CELF4: variants seen among roughly 807,000 people sequenced by gnomAD.
The protein encoded by CELF4 is CUGBP Elav-like family member 4, also known as CUG-BP- and ETR-3-like factor 4.
A neutral mutation model predicts 59.9 loss-of-function variants in CELF4; 18 were observed. The observed-to-expected ratio is 0.30, with a 90% CI of 0.21 to 0.45. CELF4 has a LOEUF of 0.45. Ranked by LOEUF, CELF4 falls within the 20% of genes least tolerant of loss-of-function variation. The pLI is 1.00. For missense variants in CELF4, 456 were observed against 689.0 expected (o/e 0.66, Z 3.79); for synonymous variants, 261 against 267.1 (o/e 0.98, Z 0.22).
intron 1 of CELF4, among the ~76,000 whole-genome samples, chr18:37,486,762 C>T (rs867841606): frequency 1.4e-4 from 21 of 152,336 alleles, no homozygotes; most frequent in African/African-American, 4.8e-4. Flanking sequence ...CTCTCTCTCA[C>T]GTGATCTTAT....
At position 37,474,462 on chromosome 18, in the gene CELF4, C is replaced by T. The variant is rs1007312004; in HGVS notation, c.369+11063G>A. On this transcript the variant is annotated intron_variant, in intron 2 of 12. Transcript: ENST00000420428. The stretch of plus-strand genomic sequence containing the variant: ...GTGTGTGGCCTTGGGGTGACGGGGA[C>T]GGTTCCTGCCCTCATGCAGCTCTGG... Among the ~76,000 whole-genome samples, 8 of 152,312 alleles carry T rather than the reference C, an allele frequency of 5.3e-5. No individual in the cohort carries two copies. In the East Asian group the frequency reaches 1.2e-3, roughly 22 times the overall value.
Position 37,259,639 on chromosome 18 carries a change from C to T in CELF4, c.1250-375G>A, listed in dbSNP as rs142034086. Among the ~76,000 whole-genome samples, 854 of 152,274 alleles carry T rather than the reference C, an allele frequency of 5.6e-3. 4 individuals carry two copies. The highest frequency in any genetic ancestry group is 8.8e-3 in the Admixed American group (134 of 15,308). The stretch of plus-strand genomic sequence containing the variant: ...AAGGCCCAGGAGATCCGGGAGGCCT[C>T]CCTCCTGCCCTGCCCCTGCTCTGGG... On this transcript the variant is annotated intron_variant, in intron 10 of 12. Coordinates refer to ENST00000420428, the MANE Select transcript of CELF4 (RefSeq NM_020180.4).
At chr18:37,504,521 T>C (rs568818398) in intron 1 of CELF4, among the ~76,000 whole-genome samples, 1 of 151,630 alleles carries the variant, frequency 6.6e-6, no homozygotes, top group South Asian at 2.1e-4. Context: ...TAGCATGTGA[T>C]TTGGGGCAGG....
intron 2 of CELF4, among the ~76,000 whole-genome samples, chr18:37,366,313 A>T (rs1234770391): frequency 6.6e-6 from 1 of 152,206 alleles, no homozygotes; most frequent in Non-Finnish European, 1.5e-5. Context: ...TATGTGTAAC[A>T]TCCACAAAGA....
At chr18:37,545,949 A>T (rs1387897442) in intron 1 of CELF4, among the ~76,000 whole-genome samples, 1 of 152,110 alleles carries the variant, frequency 6.6e-6, no homozygotes, top group East Asian at 1.9e-4. Flanking sequence ...ACACTGTCTG[A>T]CTTAGCGTCC....
intron 8 of CELF4, among the ~76,000 whole-genome samples, chr18:37,269,125 G>T: frequency 6.6e-6 from 1 of 152,118 alleles, no homozygotes; most frequent in Non-Finnish European, 1.5e-5. Context: ...CCCAGCCCAT[G>T]AGCCTTAGAC....
At chr18:37,493,327 G>C (rs1335497938) in intron 1 of CELF4, among the ~76,000 whole-genome samples, 2 of 152,172 alleles carry the variant, frequency 1.3e-5, no homozygotes, top group African/African-American at 4.8e-5. Flanking sequence ...ATAGCCCTTG[G>C]CAATGGTCTG....
chr18:37,362,891 C>A (rs2098727965), intron 2 of CELF4, among the ~76,000 whole-genome samples: 1 of 152,172 alleles, frequency 6.6e-6, no homozygotes, highest in Non-Finnish European at 1.5e-5. Flanking sequence ...TTGGTTCGGG[C>A]AGCTTCTAGG....
intron 2 of CELF4, among the ~76,000 whole-genome samples, chr18:37,453,966 C>T (rs1403120087): frequency 6.6e-6 from 1 of 152,138 alleles, no homozygotes; most frequent in Non-Finnish European, 1.5e-5. Flanking sequence ...TGATCTAACC[C>T]AAGTCTTGTT....
intron 1 of CELF4, among the ~76,000 whole-genome samples, chr18:37,552,134 A>G (rs1217767802): frequency 6.6e-6 from 1 of 152,188 alleles, no homozygotes; most frequent in African/African-American, 2.4e-5. Flanking sequence ...GGGTTCCCAC[A>G]TCCCCCCTCA....
chr18:37,485,468 C>T, intron 2 of CELF4, 57 bp downstream of exon 2: 1 of 1,147,348 alleles, frequency 8.7e-7, no homozygotes, highest in East Asian at 3.5e-5. Flanking sequence ...GCCCGGCCTC[C>T]CGAAGTCGCC....
chr18:37,562,072 G>C (rs554052089), intron 1 of CELF4, among the ~76,000 whole-genome samples: 263 of 152,154 alleles, frequency 1.7e-3, no homozygotes, highest in Middle Eastern at 0.017. Flanking sequence ...CTGGCCTCCA[G>C]GGGGTAAATT....
chr18:37,269,298 G>A (rs1205157142), intron 8 of CELF4, among the ~76,000 whole-genome samples: 1 of 152,124 alleles, frequency 6.6e-6, no homozygotes, highest in Non-Finnish European at 1.5e-5. Flanking sequence ...ATATTATGGG[G>A]CAAGCTCTGG....
At chr18:37,308,466 C>A (rs1276162435) in intron 3 of CELF4, among the ~76,000 whole-genome samples, 1 of 152,204 alleles carries the variant, frequency 6.6e-6, no homozygotes, top group Non-Finnish European at 1.5e-5. Context: ...GGCCACCCCT[C>A]TGCCATGCAG....
intron 2 of CELF4, among the ~76,000 whole-genome samples, chr18:37,462,807 C>G (rs73947238): frequency 1.2e-4 from 17 of 147,712 alleles, no homozygotes; most frequent in Middle Eastern, 3.5e-3. Context: ...TTTTTTTTTG[C>G]GATTTTTTTC....
intron 1 of CELF4, among the ~76,000 whole-genome samples, chr18:37,509,873 C>G (rs2099942299): frequency 6.6e-6 from 1 of 152,158 alleles, no homozygotes; most frequent in South Asian, 2.1e-4. Context: ...GTGGATGAAC[C>G]TTGAAAATAT....
intron 2 of CELF4, among the ~76,000 whole-genome samples, chr18:37,469,610 C>T (rs149780069): frequency 2.0e-5 from 3 of 152,276 alleles, no homozygotes; most frequent in South Asian, 2.1e-4. Context: ...ACAAGCACAT[C>T]GCATTAGCTC....
intron 2 of CELF4, among the ~76,000 whole-genome samples, chr18:37,370,273 T>C (rs1382265775): frequency 6.6e-6 from 1 of 152,154 alleles, no homozygotes; most frequent in Admixed American, 6.5e-5. Flanking sequence ...GGCTGCCTGG[T>C]TGGGGGCCAT....
intron 2 of CELF4, among the ~76,000 whole-genome samples, chr18:37,379,913 C>A (rs1569568189): frequency 1.3e-5 from 2 of 152,112 alleles, no homozygotes; most frequent in Non-Finnish European, 2.9e-5. Flanking sequence ...GTGAGGGAGG[C>A]CAAGATGCTT....
Sources: gnomAD v4.1 joint callset for allele counts (sites outside exome capture counted in the v4.1 genomes callset) on GRCh38, gnomAD v4.1.1 for gene constraint, MANE v1.5 for transcripts, NCBI Gene and HGNC (gene_info 2026-07-23, HGNC 2026-07-21) for gene names.